The following SLC49A4 variants were observed in gnomAD, a reference collection of about 807,000 sequenced individuals.
SLC49A4 encodes the protein solute carrier family 49 member 4, also known as disrupted in renal cancer protein 2.
In SLC49A4, 36 loss-of-function variants were observed where a neutral mutation model predicts 50.6. The observed-to-expected ratio is 0.71, with a 90% CI of 0.55 to 0.94. The LOEUF is 0.94. Ranked by LOEUF, SLC49A4 falls within the 40% of genes least tolerant of loss-of-function variation. SLC49A4 has a pLI of 0.00. For missense variants in SLC49A4, 503 were observed against 605.7 expected (o/e 0.83, Z 1.78); for synonymous variants, 248 against 241.2 (o/e 1.03, Z -0.26).
At chr3:122,807,405 G>T (rs1936237874) in intron 2 of SLC49A4, among the ~76,000 whole-genome samples, 1 of 152,042 alleles carries the variant, frequency 6.6e-6, no homozygotes, top group Non-Finnish European at 1.5e-5. Context: ...ATTCCAGGAT[G>T]GGGGAATAGC....
intron 1 of SLC49A4, among the ~76,000 whole-genome samples, chr3:122,806,327 A>G (rs1289401440): frequency 6.6e-6 from 1 of 152,170 alleles, no homozygotes; most frequent in African/African-American, 2.4e-5. Context: ...TTCTTCCTCC[A>G]TCTTTGATAT....
chr3:122,842,434 C>CGAGATCGCG (rs1936783643), intron 4 of SLC49A4, among the ~76,000 whole-genome samples: 1 of 134,840 alleles, frequency 7.4e-6, no homozygotes, highest in Non-Finnish European at 1.5e-5. Context: ...TGCAGTGAGC[C>CGAGATCGCG]GAGATCGCGC....
chr3:122,827,955 A>T (rs1936556738), intron 3 of SLC49A4, among the ~76,000 whole-genome samples: 1 of 152,248 alleles, frequency 6.6e-6, no homozygotes, highest in Non-Finnish European at 1.5e-5. Flanking sequence ...AGGGAACAGT[A>T]ACTGCAAAGG....
At chr3:122,862,718 T>A (rs1332824308) in intron 7 of SLC49A4, among the ~76,000 whole-genome samples, 1 of 152,202 alleles carries the variant, frequency 6.6e-6, no homozygotes, top group Non-Finnish European at 1.5e-5. Flanking sequence ...AACAGATTTC[T>A]TTCCCTTGAA....
chr3:122,862,669 T>G (rs1259245552), intron 7 of SLC49A4, among the ~76,000 whole-genome samples: 1 of 152,246 alleles, frequency 6.6e-6, no homozygotes, highest in Non-Finnish European at 1.5e-5. Flanking sequence ...AGTTAGCATC[T>G]GTGGGATTTT....
intron 5 of SLC49A4, among the ~76,000 whole-genome samples, chr3:122,850,136 A>T (rs1936906786): frequency 6.6e-6 from 1 of 152,376 alleles, no homozygotes; most frequent in East Asian, 1.9e-4. Context: ...CATCAGAATC[A>T]TCTGAATCAT....
chr3:122,872,621 A>C (rs775287267), intron 8 of SLC49A4, 24 bp downstream of exon 8: 15 of 1,529,700 alleles, frequency 9.8e-6, no homozygotes, highest in Non-Finnish European at 1.2e-5. Context: ...TTTTTTATTT[A>C]CTATCTAAAT....
At position 122,799,785 on chromosome 3, in the gene SLC49A4, C is replaced by T. The variant is rs1248834948; in HGVS notation, c.343+4250C>T. On this transcript the variant is annotated intron_variant, in intron 1 of 8. Transcript: ENST00000261038. Reference sequence around the variant, plus strand: ...AAGTGGTTAGATTGCAGATATGTGTCGAAAGTAGATTCACCAGTATTTGTT... The same window carrying T: ...AAGTGGTTAGATTGCAGATATGTGTTGAAAGTAGATTCACCAGTATTTGTT... 6.6e-5 allele frequency among the ~76,000 whole-genome samples: 10 copies of T among 152,178 alleles called. No individual in the cohort carries two copies. In the East Asian group the frequency reaches 7.7e-4, roughly 12 times the overall value.
chr3:122,871,206 TA>T (rs1377552031), intron 7 of SLC49A4, among the ~76,000 whole-genome samples: 6 of 152,188 alleles, frequency 3.9e-5, no homozygotes, highest in Non-Finnish European at 8.8e-5. Context: ...ACAAAGTAAT[TA>T]CCAACTATTT....
intron 1 of SLC49A4, among the ~76,000 whole-genome samples, chr3:122,805,749 C>T (rs1489911888): frequency 6.6e-6 from 1 of 152,146 alleles, no homozygotes; most frequent in Non-Finnish European, 1.5e-5. Context: ...ATTATTCTGC[C>T]ATAGCTAGAA....
At chr3:122,797,511 AC>A (rs1489775553) in intron 1 of SLC49A4, among the ~76,000 whole-genome samples, 1 of 152,210 alleles carries the variant, frequency 6.6e-6, no homozygotes, top group African/African-American at 2.4e-5. Context: ...ACAAGGAAGA[AC>A]CTTCTAACAA....
intron 4 of SLC49A4, among the ~76,000 whole-genome samples, chr3:122,841,899 A>C (rs1290648875): frequency 6.6e-6 from 1 of 152,076 alleles, no homozygotes. Flanking sequence ...TTTGAAAATC[A>C]CTTCTCTATA....
chr3:122,844,597 C>T (rs1257591350), intron 4 of SLC49A4, among the ~76,000 whole-genome samples: 1 of 152,130 alleles, frequency 6.6e-6, no homozygotes, highest in Non-Finnish European at 1.5e-5. Context: ...GCCTGGCCAA[C>T]ATGGCGAAAC....
chr3:122,827,030 A>T lies in SLC49A4; in HGVS notation c.668A>T (p.His223Leu). ...PLLAAESSRA[H>L]IKDRIEAVLY... ...CTTGCTGCAGAGAGCAGCAGGGCGCATATTAAAGATCGCATAGAGGCTGTG... is the reference window on the plus strand; with the variant it reads ...CTTGCTGCAGAGAGCAGCAGGGCGCTTATTAAAGATCGCATAGAGGCTGTG... The change falls in exon 3 of 9, where the codon CAT becomes CTT. Residue 223 changes from histidine (H) to leucine (L), a missense_variant. Transcript: ENST00000261038. The T allele has an allele frequency of 6.2e-7, 1 of 1,613,802 alleles. No individual in the cohort carries two copies. The highest frequency in any genetic ancestry group is 8.5e-7 in the Non-Finnish European group (1 of 1,179,666).
At position 122,797,504 on chromosome 3, in the gene SLC49A4, A is replaced by G. The variant is rs1466001586; in HGVS notation, c.343+1969A>G. Among the ~76,000 whole-genome samples, 11 of 152,212 alleles carry G rather than the reference A, an allele frequency of 7.2e-5. 1 individual carries two copies. The highest frequency in any genetic ancestry group is 6.5e-4 in the Admixed American group (10 of 15,276). On this transcript the variant is annotated intron_variant, in intron 1 of 8. Coordinates refer to ENST00000261038, the MANE Select transcript of SLC49A4 (RefSeq NM_032839.3). ...AAGAAATGTAACTCAAAGCAATACAAGGAAGAACCTTCTAACAAAGATACC... is the reference window on the plus strand; with the variant it reads ...AAGAAATGTAACTCAAAGCAATACAGGGAAGAACCTTCTAACAAAGATACC...
rs1937307465 is a variant in SLC49A4 at position 122,879,502 on chromosome 3, G to A, written c.*124G>A. 1.4e-6 allele frequency: 1 copy of A among 716,702 alleles called. No individual in the cohort carries two copies. The highest frequency in any genetic ancestry group is 1.8e-5 in the African/African-American group (1 of 55,484). The allele number at this position is 716,702 out of a possible 1,614,324, so 44.4% of individuals were successfully genotyped here. A position where few individuals can be genotyped will look rare whatever the true frequency, so the allele number is the denominator to read the frequency against. ...GAAAGAAACTTCATTCAGAGGTTTT[G>A]TTAGGTTACAGATTATCACATTAAT... On this transcript the variant is annotated 3_prime_UTR_variant, in exon 9 of 9. Transcript: ENST00000261038.
At chr3:122,835,043 A>T (rs112285472) in intron 4 of SLC49A4, among the ~76,000 whole-genome samples, 136 of 152,324 alleles carry the variant, frequency 8.9e-4, no homozygotes, top group African/African-American at 3.0e-3. Flanking sequence ...GAGCCGTGAG[A>T]TTGATTCAGT....
intron 2 of SLC49A4, among the ~76,000 whole-genome samples, chr3:122,825,978 A>G (rs749316889): frequency 5.3e-5 from 8 of 152,332 alleles, no homozygotes; most frequent in Non-Finnish European, 1.0e-4. Flanking sequence ...ACTGCTTTTC[A>G]TTAACCCTTA....
rs1205215026 is a variant in SLC49A4, at chr3:122,806,839, G to A, written c.344-18G>A. 1 of 1,480,688 alleles carries A rather than the reference G, an allele frequency of 6.8e-7. No individual in the cohort carries two copies. Among genetic ancestry groups the A allele is most frequent in the African/African-American group, 1.4e-5 (1 of 71,904 alleles). The allele number at this position is 1,480,688 out of a possible 1,614,324, so 91.7% of individuals were successfully genotyped here. On this transcript the variant is annotated intron_variant, in intron 1 of 8. Coordinates refer to ENST00000261038, the MANE Select transcript of SLC49A4 (RefSeq NM_032839.3). ...AGGAGAAAATCAAGATAATTTCAATGTCTTTGTTTCATTTTAGGTCTCCGG... is the reference window on the plus strand; with the variant it reads ...AGGAGAAAATCAAGATAATTTCAATATCTTTGTTTCATTTTAGGTCTCCGG...
Sources: gnomAD v4.1 joint callset for allele counts (sites outside exome capture counted in the v4.1 genomes callset) on GRCh38, gnomAD v4.1.1 for gene constraint, MANE v1.5 for transcripts, NCBI Gene and HGNC (gene_info 2026-07-23, HGNC 2026-07-21) for gene names.